Variants in GRID1 observed in about 807,000 individuals in gnomAD.
The protein encoded by GRID1 is glutamate receptor ionotropic, delta-1.
Under a neutral mutation model 98.0 loss-of-function variants are expected in GRID1, and 28 were observed. That is an observed-to-expected ratio of 0.29 (90% confidence interval 0.21 to 0.39). GRID1 has a LOEUF of 0.39. Ranked by LOEUF, GRID1 falls within the 10% of genes least tolerant of loss-of-function variation. The pLI is 1.00. For synonymous variants in GRID1, 553 were observed against 538.5 expected (o/e 1.03, Z -0.37); for missense variants, 1,111 against 1,340.5 (o/e 0.83, Z 2.67).
intron 2 of GRID1, among the ~76,000 whole-genome samples, chr10:86,334,637 A>G (rs992273665): frequency 6.6e-6 from 1 of 152,188 alleles, no homozygotes; most frequent in African/African-American, 2.4e-5. Flanking sequence ...TTCAAAACCC[A>G]ATTCTGACTT....
Position 86,243,603 on chromosome 10 carries a change from G to T in GRID1, c.236-36955C>A, listed in dbSNP as rs191592473. Among the ~76,000 whole-genome samples, 376 of 152,296 alleles carry T rather than the reference G, an allele frequency of 2.5e-3. 2 individuals are homozygous for T. The highest frequency in any genetic ancestry group is 7.9e-3 in the South Asian group (38 of 4,822). On this transcript the variant is annotated intron_variant, in intron 2 of 15. Transcript: ENST00000327946. ...AACACAGAGGGAGCAGTTCCTCTAT[G>T]CCAGGCCCTGGAGAAAGAGTGTCAA...
At chr10:85,725,843 C>A (rs1841754969) in intron 10 of GRID1, among the ~76,000 whole-genome samples, 1 of 152,216 alleles carries the variant, frequency 6.6e-6, no homozygotes, top group African/African-American at 2.4e-5. Context: ...GTGACCCTAT[C>A]AACACTCTCC....
At chr10:86,202,799 G>C (rs1394819162) in intron 3 of GRID1, among the ~76,000 whole-genome samples, 1 of 152,182 alleles carries the variant, frequency 6.6e-6, no homozygotes, top group African/African-American at 2.4e-5. Context: ...AGGCTGATGG[G>C]CAAATGAGGA....
At chr10:85,743,141 T>A (rs1477996132) in intron 8 of GRID1, among the ~76,000 whole-genome samples, 1 of 115,050 alleles carries the variant, frequency 8.7e-6, no homozygotes, top group Admixed American at 1.3e-4. Flanking sequence ...ACCAATTATC[T>A]AGGAGAATCC....
intron 4 of GRID1, among the ~76,000 whole-genome samples, chr10:86,030,321 C>A (rs1312843697): frequency 2.0e-5 from 3 of 152,166 alleles, no homozygotes; most frequent in African/African-American, 4.8e-5. Context: ...CTGTGGAAGT[C>A]ACGAAGGGAT....
chr10:86,301,876 T>C (rs76230298), intron 2 of GRID1, among the ~76,000 whole-genome samples: 2,209 of 152,326 alleles, frequency 0.015, 20 homozygotes, highest in Middle Eastern at 0.027. Flanking sequence ...ATTCAACAGA[T>C]CAAACACATT....
intron 4 of GRID1, among the ~76,000 whole-genome samples, chr10:85,971,178 C>T (rs1333243198): frequency 2.6e-5 from 4 of 151,812 alleles, no homozygotes; most frequent in Non-Finnish European, 5.9e-5. Context: ...ACAACCTTTC[C>T]CCAGGAGTCA....
At chr10:85,882,124 C>G (rs1375446604) in intron 5 of GRID1, among the ~76,000 whole-genome samples, 1 of 152,162 alleles carries the variant, frequency 6.6e-6, no homozygotes, top group Non-Finnish European at 1.5e-5. Context: ...CAGGGAACCA[C>G]AGGTGCTGGA....
At chr10:86,240,329 T>A (rs914060693) in intron 2 of GRID1, among the ~76,000 whole-genome samples, 4 of 152,046 alleles carry the variant, frequency 2.6e-5, no homozygotes, top group African/African-American at 9.7e-5. Context: ...AGCACACACA[T>A]CACTAGGACA....
At chr10:85,639,531 A>T (rs183849250) in intron 13 of GRID1, among the ~76,000 whole-genome samples, 1 of 152,218 alleles carries the variant, frequency 6.6e-6, no homozygotes, top group Non-Finnish European at 1.5e-5. Flanking sequence ...TGAAATAGAC[A>T]CTATATGTGT....
intron 5 of GRID1, among the ~76,000 whole-genome samples, chr10:85,909,570 A>G (rs959215854): frequency 4.6e-5 from 7 of 152,252 alleles, no homozygotes; most frequent in Admixed American, 4.6e-4. Flanking sequence ...CTCATCAATT[A>G]AAAGGAAAGA....
At chr10:85,730,867 C>T (rs1026070695) in intron 8 of GRID1, among the ~76,000 whole-genome samples, 1 of 152,206 alleles carries the variant, frequency 6.6e-6, no homozygotes, top group African/African-American at 2.4e-5. Flanking sequence ...GCTGCTGCTG[C>T]TGCTGCTAAT....
chr10:86,304,473 T>C (rs1239615273), intron 2 of GRID1, among the ~76,000 whole-genome samples: 1 of 152,206 alleles, frequency 6.6e-6, no homozygotes, highest in Non-Finnish European at 1.5e-5. Context: ...CCTGGACCTC[T>C]GAGCAGGACC....
At chr10:86,108,105 G>A (rs1360228858) in intron 4 of GRID1, among the ~76,000 whole-genome samples, 2 of 152,100 alleles carry the variant, frequency 1.3e-5, no homozygotes, top group South Asian at 2.1e-4. Flanking sequence ...TGCCCACTGG[G>A]GCTTCAGGAG....
At position 86,195,584 on chromosome 10, in the gene GRID1, G is replaced by A. The variant is rs890084581; in HGVS notation, c.520+10780C>T. Among the ~76,000 whole-genome samples, 9 of 152,150 alleles carry A rather than the reference G, an allele frequency of 5.9e-5. 2 individuals are homozygous for A. The highest frequency in any genetic ancestry group is 1.3e-4 in the Non-Finnish European group (9 of 67,982). ...AATCAAACCAAAAATCAGAGGCAGC[G>A]TGCCAGGTTCATGTGCAGCCTCCTA... On this transcript the variant is annotated intron_variant, in intron 3 of 15. Transcript: ENST00000327946. This position sits in a 1 kb window ranked among gnomAD's most constrained non-coding sequence, Gnocchi z 4.4.
chr10:86,221,166 C>T (rs1367243375), intron 2 of GRID1, among the ~76,000 whole-genome samples: 2 of 152,338 alleles, frequency 1.3e-5, no homozygotes, highest in East Asian at 3.9e-4. Context: ...AAATCTCCTG[C>T]AGCCAGCAGG....
chr10:86,355,156 G>A (rs1310602241), intron 2 of GRID1, among the ~76,000 whole-genome samples: 1 of 152,250 alleles, frequency 6.6e-6, no homozygotes, highest in Non-Finnish European at 1.5e-5. Context: ...GATCCTCTCA[G>A]CTGTCCTCTA....
At chr10:85,818,918 G>A (rs911239120) in intron 8 of GRID1, among the ~76,000 whole-genome samples, 13 of 151,900 alleles carry the variant, frequency 8.6e-5, no homozygotes, top group African/African-American at 2.4e-4. Flanking sequence ...ACAGGGGTTC[G>A]CCATGTTGAC....
At chr10:85,623,736 G>A (rs1351981908) in intron 13 of GRID1, among the ~76,000 whole-genome samples, 4 of 152,218 alleles carry the variant, frequency 2.6e-5, no homozygotes, top group African/African-American at 9.6e-5. Context: ...TATCAGGAAA[G>A]CATGTCTACC....
Sources: allele counts gnomAD v4.1 joint callset (sites outside exome capture counted in the v4.1 genomes callset), GRCh38; gene constraint gnomAD v4.1.1; non-coding constraint Gnocchi (gnomAD v3.1); transcripts MANE v1.5; gene names NCBI Gene and HGNC (gene_info 2026-07-23, HGNC 2026-07-21).